CDC42BPA: variants seen among roughly 807,000 people sequenced by gnomAD.
The protein encoded by CDC42BPA is CDC42 binding protein kinase alpha, also known as serine/threonine-protein kinase MRCK alpha.
A neutral mutation model predicts 223.5 loss-of-function variants in CDC42BPA; 80 were observed. The observed-to-expected ratio is 0.36, with a 90% CI of 0.30 to 0.43. The LOEUF is 0.43. Among genes scored for constraint, CDC42BPA ranks in the 20% least tolerant of loss-of-function variants. CDC42BPA has a pLI of 1.00. For synonymous variants in CDC42BPA, 694 were observed against 718.6 expected (o/e 0.97, Z 0.55); for missense variants, 1,743 against 2,099.9 (o/e 0.83, Z 3.32).
chr1:227,073,023 T>C (rs115279697), intron 19 of CDC42BPA, among the ~76,000 whole-genome samples: 2 of 152,078 alleles, frequency 1.3e-5, no homozygotes, highest in African/African-American at 4.8e-5. Context: ...AACAGAAGTA[T>C]CATGTATCTG....
intron 21 of CDC42BPA, among the ~76,000 whole-genome samples, chr1:227,064,083 A>AG (rs1421002358): frequency 6.6e-6 from 1 of 152,180 alleles, no homozygotes; most frequent in Admixed American, 6.5e-5. Context: ...AAACAATATT[A>AG]GGGGGACCAG....
Position 227,129,171 on chromosome 1 carries a change from C to T in CDC42BPA, c.1451G>A (p.Ser484Asn), listed in dbSNP as rs1301039758. 1 of 1,577,544 alleles carries T rather than the reference C, an allele frequency of 6.3e-7. No homozygotes were observed. The highest frequency in any genetic ancestry group is 8.7e-7 in the Non-Finnish European group (1 of 1,149,766). ...YSTVDGPLTA[S>N]KDLEIKNLKE... The stretch of plus-strand genomic sequence containing the variant: ...TAAGTTTTTTATTTCTAAATCTTTG[C>T]TTGCTGTTAGTGGACCATCAACAGT... Residue 484 changes from serine (S) to asparagine (N), a missense_variant, in exon 11 of 37, where the codon AGC (serine) becomes AAC (asparagine). By Grantham distance (46) the Ser-to-Asn change is conservative (BLOSUM62 1). Around this residue, in one of 6 missense-constraint regions of CDC42BPA, gnomAD observed 464 missense variants for 488.0 expected, o/e 0.95. Coordinates refer to ENST00000366766, the MANE Select transcript of CDC42BPA (RefSeq NM_001394014.1).
Position 227,193,865 on chromosome 1 carries a change from G to A in CDC42BPA, c.520C>T (p.Pro174Ser), listed in dbSNP as rs1338239885. The A allele has an allele frequency of 6.2e-7, 1 of 1,612,504 alleles. No homozygotes were observed. Among genetic ancestry groups the A allele is most frequent in the African/African-American group, 1.3e-5 (1 of 74,814 alleles). ...TLLSKFEDRL[P>S]EDMARFYLAE... ...AAGTAAAATCTAGCCATATCTTCAG[G>A]CAATCTATCTTCAAATTTGCTGAGT... Residue 174 changes from proline (P) to serine (S), a missense_variant, in exon 5 of 37, where the codon CCT (proline) becomes TCT (serine). Coordinates refer to ENST00000366766, the MANE Select transcript of CDC42BPA (RefSeq NM_001394014.1).
intron 14 of CDC42BPA, among the ~76,000 whole-genome samples, chr1:227,109,689 A>G (rs571587668): frequency 2.6e-4 from 39 of 151,250 alleles, no homozygotes; most frequent in Admixed American, 4.6e-4. Context: ...TCCATTTTCT[A>G]TAAGCTTTTT....
chr1:227,138,651 T>C (rs1362308149), intron 10 of CDC42BPA, among the ~76,000 whole-genome samples: 1 of 151,498 alleles, frequency 6.6e-6, no homozygotes, highest in South Asian at 2.1e-4. Flanking sequence ...GGAAATAGAC[T>C]AGGGGAAATA....
intron 9 of CDC42BPA, among the ~76,000 whole-genome samples, chr1:227,142,653 T>C (rs1659906679): frequency 1.3e-5 from 2 of 151,818 alleles, no homozygotes; most frequent in African/African-American, 2.4e-5. Flanking sequence ...AGAGTCTCGC[T>C]CTGTCACCCA....
chr1:227,120,757 C>T lies in CDC42BPA; in HGVS notation c.1514-820G>A, dbSNP rs370240816. Among the ~76,000 whole-genome samples the T allele has an allele frequency of 1.2e-4, 19 of 152,284 alleles. No homozygotes were observed. The East Asian group carries it at 2.5e-3, about 20-fold the overall frequency. ...GAGAAATCTAAACAACACTCATTAT[C>T]GGTTCTGCTCTGGATATTTTCTGTT... On this transcript the variant is annotated intron_variant, in intron 11 of 36. Coordinates refer to ENST00000366766, the MANE Select transcript of CDC42BPA (RefSeq NM_001394014.1).
In CDC42BPA at chr1:227,119,915, T is replaced by C; in HGVS notation, c.1536A>G (p.Gln512=). ...GCCTCACAGCATTAGCTTCTTCAAG[T>C]TGCTGTTCCAAATGACTTGATTCTA... ...QVTESSHLEQ[Q]LEEANAVRQE... The change falls in exon 12 of 37, where the codon CAA becomes CAG. Residue 512 remains glutamine, a synonymous_variant. Coordinates refer to ENST00000366766, the MANE Select transcript of CDC42BPA (RefSeq NM_001394014.1). 1 of 1,594,142 alleles carries C rather than the reference T, an allele frequency of 6.3e-7. No homozygotes were observed.
intron 2 of CDC42BPA, among the ~76,000 whole-genome samples, chr1:227,243,756 TCACACACA>T (rs5781477): frequency 0.096 from 14,046 of 146,580 alleles, 790 homozygotes; most frequent in Middle Eastern, 0.16. Flanking sequence ...AAAAGATTTG[TCACACACA>T]CACACACACA....
intron 3 of CDC42BPA, among the ~76,000 whole-genome samples, chr1:227,207,765 T>C (rs1463318990): frequency 2.1e-5 from 3 of 143,570 alleles, no homozygotes; most frequent in Middle Eastern, 3.4e-3. Flanking sequence ...CAGTCTATCA[T>C]TGTTGGACAT....
intron 17 of CDC42BPA, among the ~76,000 whole-genome samples, chr1:227,076,563 C>G (rs1679528417): frequency 6.6e-6 from 1 of 152,104 alleles, no homozygotes; most frequent in Admixed American, 6.6e-5. Context: ...GGCCCCAACA[C>G]TATCTCTTGC....
At chr1:227,157,006 C>A in intron 6 of CDC42BPA, among the ~76,000 whole-genome samples, 1 of 152,164 alleles carries the variant, frequency 6.6e-6, no homozygotes, top group South Asian at 2.1e-4. Flanking sequence ...TTCCTATATA[C>A]AGTTATCCTA....
At chr1:227,206,464 A>G (rs1402244909) in intron 3 of CDC42BPA, among the ~76,000 whole-genome samples, 1 of 152,184 alleles carries the variant, frequency 6.6e-6, no homozygotes, top group Non-Finnish European at 1.5e-5. Flanking sequence ...GGCTTGAAAC[A>G]GAATAAGGTA....
intron 32 of CDC42BPA, among the ~76,000 whole-genome samples, chr1:227,019,937 C>T (rs1176584579): frequency 1.3e-5 from 2 of 151,700 alleles, no homozygotes; most frequent in Non-Finnish European, 2.9e-5. Context: ...GCCCTTGTTG[C>T]CCAGGCTGGA....
chr1:227,056,124 A>T (rs1464178394), intron 21 of CDC42BPA, among the ~76,000 whole-genome samples: 1 of 152,140 alleles, frequency 6.6e-6, no homozygotes, highest in East Asian at 1.9e-4. Context: ...TATGGACAGC[A>T]TGGTTTTCCT....
At chr1:227,205,268 C>CAAA (rs1158919272) in intron 3 of CDC42BPA, among the ~76,000 whole-genome samples, 22 of 110,194 alleles carry the variant, frequency 2.0e-4, no homozygotes, top group African/African-American at 6.4e-4. Context: ...GACTCTGTCT[C>CAAA]AAAAAAAAAA....
Position 227,031,288 on chromosome 1 carries a change from A to G in CDC42BPA, c.3775+10T>C. On this transcript the variant is annotated intron_variant, in intron 28 of 36. Transcript: ENST00000366766. ...ATGATAATAATATGATAAATGTTAT[A>G]AATTCATACCTATGATTGCGGCTGC... is the stretch of plus-strand genomic sequence containing the variant. 6.3e-7 allele frequency: 1 copy of G among 1,595,014 alleles called. No homozygotes were observed. The highest frequency in any genetic ancestry group is 8.6e-7 in the Non-Finnish European group (1 of 1,163,218).
At chr1:227,164,363 C>T (rs1172785516) in intron 5 of CDC42BPA, among the ~76,000 whole-genome samples, 1 of 152,152 alleles carries the variant, frequency 6.6e-6, no homozygotes, top group Non-Finnish European at 1.5e-5. Flanking sequence ...AGAGAACTGA[C>T]ATCTTTGCAA....
intron 5 of CDC42BPA, among the ~76,000 whole-genome samples, chr1:227,174,329 G>A (rs950565081): frequency 6.6e-6 from 1 of 152,038 alleles, no homozygotes; most frequent in Non-Finnish European, 1.5e-5. Context: ...TAAGCCTTAG[G>A]CCTCAAAATA....
Sources: gnomAD v4.1 joint callset for allele counts (sites outside exome capture counted in the v4.1 genomes callset) on GRCh38, gnomAD v4.1.1 for gene constraint, gnomAD v4.1.1 regional missense constraint, MANE v1.5 for transcripts, NCBI Gene and HGNC (gene_info 2026-07-23, HGNC 2026-07-21) for gene names.